Variants in BCL2 observed in about 807,000 individuals in gnomAD.
BCL2 encodes BCL2 apoptosis regulator, also known as apoptosis regulator Bcl-2.
Under a neutral mutation model 14.2 loss-of-function variants are expected in BCL2, and 1 was observed. The ratio of observed to expected loss-of-function variants is 0.07; its 90% confidence interval spans 0.02 to 0.33. The LOEUF (loss-of-function observed/expected upper bound fraction) is 0.33. Among genes scored for constraint, BCL2 ranks in the 10% least tolerant of loss-of-function variants. BCL2 has a pLI of 0.99. For missense variants in BCL2, 247 were observed against 305.9 expected (o/e 0.81, Z 1.44); for synonymous variants, 151 against 137.2 (o/e 1.10, Z -0.70).
chr18:63,160,484 G>A (rs1177361777), intron 2 of BCL2, among the ~76,000 whole-genome samples: 1 of 152,114 alleles, frequency 6.6e-6, no homozygotes, highest in Non-Finnish European at 1.5e-5. Context: ...TTCTCATAGG[G>A]GCAAATGTTC....
At chr18:63,159,848 G>A (rs1350868071) in intron 2 of BCL2, among the ~76,000 whole-genome samples, 1 of 152,240 alleles carries the variant, frequency 6.6e-6, no homozygotes, top group Non-Finnish European at 1.5e-5. Flanking sequence ...TCCCCGCACA[G>A]TGGGGACTGC....
chr18:63,227,022 TG>T (rs1474256508), intron 2 of BCL2, among the ~76,000 whole-genome samples: 1 of 152,010 alleles, frequency 6.6e-6, no homozygotes, highest in Non-Finnish European at 1.5e-5. Context: ...AGCAGGATTG[TG>T]GTGAAACCGC....
At chr18:63,160,367 A>G (rs1914890678) in intron 2 of BCL2, among the ~76,000 whole-genome samples, 1 of 152,226 alleles carries the variant, frequency 6.6e-6, no homozygotes, top group Non-Finnish European at 1.5e-5. Context: ...GCACTCAGAT[A>G]CGCAACTAAG....
At chr18:63,261,348 C>T (rs1002209589) in intron 2 of BCL2, among the ~76,000 whole-genome samples, 6 of 152,140 alleles carry the variant, frequency 3.9e-5, no homozygotes, top group Non-Finnish European at 8.8e-5. Context: ...CTTCCAACTG[C>T]TCCCACTGGG....
At chr18:63,211,163 T>C (rs1054137267) in intron 2 of BCL2, among the ~76,000 whole-genome samples, 1 of 141,864 alleles carries the variant, frequency 7.0e-6, no homozygotes, top group Non-Finnish European at 1.5e-5. Flanking sequence ...CACCACCTCC[T>C]GGGTTCCAGC....
intron 2 of BCL2, among the ~76,000 whole-genome samples, chr18:63,202,226 T>C (rs1909714848): frequency 6.6e-6 from 1 of 152,094 alleles, no homozygotes; most frequent in African/African-American, 2.4e-5. Flanking sequence ...GGAGAATCAC[T>C]TGAACTCAGG....
chr18:63,213,545 T>C (rs10593560), intron 2 of BCL2, among the ~76,000 whole-genome samples: 42 of 45,656 alleles, frequency 9.2e-4, no homozygotes, highest in African/African-American at 2.9e-3. Context: ...CACACACACA[T>C]AAACACACAC....
At chr18:63,310,131 G>A (rs1041224554) in intron 2 of BCL2, among the ~76,000 whole-genome samples, 10 of 152,170 alleles carry the variant, frequency 6.6e-5, no homozygotes, top group African/African-American at 2.4e-4. Flanking sequence ...CCACAGTGCT[G>A]GGATTACAGG....
At chr18:63,305,154 C>T (rs1465355455) in intron 2 of BCL2, among the ~76,000 whole-genome samples, 7 of 152,186 alleles carry the variant, frequency 4.6e-5, no homozygotes, top group South Asian at 2.1e-4. Context: ...GCATGAGAAA[C>T]GCTGCAAAGG....
intron 2 of BCL2, among the ~76,000 whole-genome samples, chr18:63,307,274 G>C (rs1568265276): frequency 6.6e-6 from 1 of 152,170 alleles, no homozygotes; most frequent in Non-Finnish European, 1.5e-5. Context: ...AAAAGCACTG[G>C]TTTAGTCATG....
intron 2 of BCL2, among the ~76,000 whole-genome samples, chr18:63,247,182 CT>C (rs1388879777): frequency 6.6e-6 from 1 of 150,840 alleles, no homozygotes; most frequent in Non-Finnish European, 1.5e-5. Context: ...ATTTTCTCAT[CT>C]TTGAAGATGC....
At chr18:63,317,860 C>G in intron 2 of BCL2, 1 of 1,407,710 alleles carries the variant, frequency 7.1e-7, no homozygotes, top group Non-Finnish European at 9.2e-7. Flanking sequence ...ATCTCCACGA[C>G]TAGCAAGCAA....
At chr18:63,282,398 T>G (rs1912343736) in intron 2 of BCL2, among the ~76,000 whole-genome samples, 2 of 152,212 alleles carry the variant, frequency 1.3e-5, no homozygotes, top group Non-Finnish European at 2.9e-5. Context: ...CTTTCAAGTT[T>G]CAAAATACTT....
intron 2 of BCL2, among the ~76,000 whole-genome samples, chr18:63,214,991 G>A (rs1161273017): frequency 1.3e-5 from 2 of 152,114 alleles, no homozygotes; most frequent in East Asian, 1.9e-4. Context: ...TTACAGACGT[G>A]AGCCAGTGTG....
At chr18:63,206,061 T>G (rs1302029568) in intron 2 of BCL2, among the ~76,000 whole-genome samples, 1 of 152,216 alleles carries the variant, frequency 6.6e-6, no homozygotes, top group Non-Finnish European at 1.5e-5. Flanking sequence ...TGAGAGTTCT[T>G]GTCTCCATGT....
At chr18:63,169,774 C>T (rs1184847522) in intron 2 of BCL2, among the ~76,000 whole-genome samples, 8 of 152,046 alleles carry the variant, frequency 5.3e-5, no homozygotes, top group Non-Finnish European at 8.8e-5. Flanking sequence ...CCACCCGCCT[C>T]GGCCTCCCAA....
At chr18:63,144,885 C>T (rs1355067302) in intron 2 of BCL2, among the ~76,000 whole-genome samples, 1 of 152,166 alleles carries the variant, frequency 6.6e-6, no homozygotes, top group Non-Finnish European at 1.5e-5. Context: ...CCGCCCCCGC[C>T]GCCCTGGGCA....
chr18:63,237,451 G>T (rs1418471435), intron 2 of BCL2, among the ~76,000 whole-genome samples: 1 of 152,174 alleles, frequency 6.6e-6, no homozygotes, highest in Non-Finnish European at 1.5e-5. Context: ...ATGATTTCTT[G>T]CAGTCCTGGC....
intron 2 of BCL2, among the ~76,000 whole-genome samples, chr18:63,228,138 G>A (rs1197741244): frequency 6.6e-6 from 1 of 152,160 alleles, no homozygotes; most frequent in Non-Finnish European, 1.5e-5. Flanking sequence ...TAATGCCATT[G>A]TGAGGGCCCT....
Sources: allele counts gnomAD v4.1 joint callset (sites outside exome capture counted in the v4.1 genomes callset), GRCh38; gene constraint gnomAD v4.1.1; transcripts MANE v1.5; gene names NCBI Gene and HGNC (gene_info 2026-07-23, HGNC 2026-07-21).